The following XKR6 variants were observed in gnomAD, a reference collection of about 807,000 sequenced individuals.
XKR6 encodes XK-related protein 6.
A neutral mutation model predicts 56.7 loss-of-function variants in XKR6; 22 were observed. That is an observed-to-expected ratio of 0.39 (90% confidence interval 0.28 to 0.55). The LOEUF (loss-of-function observed/expected upper bound fraction) is 0.55. XKR6 is among the 20% of genes least tolerant of loss of function. The pLI, the probability that XKR6 is intolerant of heterozygous loss-of-function variation, is 0.66. For synonymous variants in XKR6, 524 were observed against 387.8 expected (o/e 1.35, Z -4.13); for missense variants, 852 against 889.0 (o/e 0.96, Z 0.53).
intron 1 of XKR6, among the ~76,000 whole-genome samples, chr8:11,192,162 A>AT (rs995556537): frequency 2.4e-4 from 36 of 147,322 alleles, no homozygotes; most frequent in Admixed American, 2.7e-4. Flanking sequence ...TACAAAAAAA[A>AT]TTTTTTTTTT....
chr8:10,955,964 C>T (rs6982751), intron 1 of XKR6, among the ~76,000 whole-genome samples: 3 of 152,030 alleles, frequency 2.0e-5, no homozygotes, highest in Non-Finnish European at 4.4e-5. Context: ...AGTGGCTGCT[C>T]GGTGAGAGGG....
intron 2 of XKR6, among the ~76,000 whole-genome samples, chr8:10,915,350 C>T (rs78740019): frequency 7.0e-6 from 1 of 143,152 alleles, no homozygotes; most frequent in Non-Finnish European, 1.5e-5. Flanking sequence ...TGTCAGAGCC[C>T]CCATGAAGCT....
chr8:11,113,308 T>C (rs531062371), intron 1 of XKR6, among the ~76,000 whole-genome samples: 287 of 152,314 alleles, frequency 1.9e-3, no homozygotes, highest in African/African-American at 6.6e-3. Flanking sequence ...AACTGCCTTA[T>C]AAGCTCCACT....
intron 1 of XKR6, among the ~76,000 whole-genome samples, chr8:11,051,113 C>T (rs1163466875): frequency 2.6e-5 from 4 of 152,182 alleles, no homozygotes; most frequent in Non-Finnish European, 5.9e-5. Context: ...CAGCTCTCAG[C>T]AGCCCTCTCC....
chr8:11,003,754 C>T (rs1798299537), intron 1 of XKR6, among the ~76,000 whole-genome samples: 1 of 152,180 alleles, frequency 6.6e-6, no homozygotes, highest in African/African-American at 2.4e-5. Flanking sequence ...CAAGCTGTCT[C>T]CATCAACAAA....
chr8:11,132,763 G>GCACACACACACA (rs1202405406), intron 1 of XKR6, among the ~76,000 whole-genome samples: 6 of 80,866 alleles, frequency 7.4e-5, no homozygotes, highest in Non-Finnish European at 1.5e-4. Context: ...ACACACACAC[G>GCACACACACACA]CACGCACACA....
intron 1 of XKR6, among the ~76,000 whole-genome samples, chr8:11,023,817 C>T (rs1798799343): frequency 6.6e-6 from 1 of 152,222 alleles, no homozygotes. Flanking sequence ...CCCTCCTGAA[C>T]CCTGTGCCTC....
chr8:11,118,787 G>C (rs561703152), intron 1 of XKR6, among the ~76,000 whole-genome samples: 3 of 152,212 alleles, frequency 2.0e-5, no homozygotes, highest in South Asian at 4.2e-4. Context: ...TTTTTGAAGG[G>C]TTTTTTGTGT....
chr8:11,143,778 C>T (rs1800831018), intron 1 of XKR6, among the ~76,000 whole-genome samples: 2 of 152,170 alleles, frequency 1.3e-5, no homozygotes, highest in Admixed American at 1.3e-4. Flanking sequence ...TTACAATAAT[C>T]CGCTAAGCTA....
intron 1 of XKR6, among the ~76,000 whole-genome samples, chr8:10,959,253 G>A (rs751443217): frequency 6.6e-6 from 1 of 152,182 alleles, no homozygotes; most frequent in Non-Finnish European, 1.5e-5. Context: ...AGGAGTGGGA[G>A]AGGAACTGAG....
At chr8:10,901,561 G>C (rs1275234115) in intron 2 of XKR6, among the ~76,000 whole-genome samples, 1 of 152,122 alleles carries the variant, frequency 6.6e-6, no homozygotes, top group East Asian at 1.9e-4. Context: ...TGACATCCTT[G>C]CTCTCCAGCT....
chr8:10,988,374 G>C (rs938558740), intron 1 of XKR6, among the ~76,000 whole-genome samples: 4 of 152,202 alleles, frequency 2.6e-5, no homozygotes, highest in African/African-American at 9.6e-5. Context: ...GAAATACTCA[G>C]TCATTTTGTT....
At chr8:10,923,869 C>G (rs1438666451) in intron 2 of XKR6, among the ~76,000 whole-genome samples, 1 of 152,208 alleles carries the variant, frequency 6.6e-6, no homozygotes, top group Non-Finnish European at 1.5e-5. Context: ...ACTGAGCGCT[C>G]TGCAGTCAGG....
At chr8:10,937,971 T>C (rs1387716723) in intron 1 of XKR6, among the ~76,000 whole-genome samples, 15 of 151,212 alleles carry the variant, frequency 9.9e-5, no homozygotes, top group Non-Finnish European at 1.8e-4. Flanking sequence ...TAAGCAAGCC[T>C]GAGCAATGGC....
rs546480808 is a variant in XKR6 at position 11,121,812 on chromosome 8, T to G, written c.764+78764A>C. On this transcript the variant is annotated intron_variant, in intron 1 of 2. Transcript: ENST00000416569. ...AATGTCCAACAATGATAGACTGGAT[T>G]AAGAAAATGTGGCACATATACACAA... is the stretch of plus-strand genomic sequence containing the variant. Among the ~76,000 whole-genome samples the G allele has an allele frequency of 4.8e-3, 731 of 152,276 alleles. 7 individuals carry two copies. The highest frequency in any genetic ancestry group is 0.015 in the African/African-American group (612 of 41,566).
intron 2 of XKR6, among the ~76,000 whole-genome samples, chr8:10,923,697 T>C (rs758733345): frequency 2.6e-5 from 4 of 152,214 alleles, no homozygotes; most frequent in Non-Finnish European, 4.4e-5. Context: ...TGGGTGTCCA[T>C]GAACGTGGTG....
At chr8:11,148,453 C>G (rs1451726807) in intron 1 of XKR6, among the ~76,000 whole-genome samples, 2 of 152,158 alleles carry the variant, frequency 1.3e-5, no homozygotes, top group Non-Finnish European at 2.9e-5. Flanking sequence ...CTTCGAGACT[C>G]CAGAACTCTG....
intron 1 of XKR6, among the ~76,000 whole-genome samples, chr8:11,079,777 T>C (rs1797656611): frequency 6.6e-6 from 1 of 152,106 alleles, no homozygotes; most frequent in Non-Finnish European, 1.5e-5. Flanking sequence ...CTGGGCAATA[T>C]AAGGAGACCC....
chr8:10,988,050 T>C (rs1200530500), intron 1 of XKR6, among the ~76,000 whole-genome samples: 1 of 152,236 alleles, frequency 6.6e-6, no homozygotes, highest in Non-Finnish European at 1.5e-5. Flanking sequence ...AAAAACATTA[T>C]TTAAATCAAC....
Sources: gnomAD v4.1 joint callset for allele counts (sites outside exome capture counted in the v4.1 genomes callset) on GRCh38, gnomAD v4.1.1 for gene constraint, MANE v1.5 for transcripts, NCBI Gene and HGNC (gene_info 2026-07-23, HGNC 2026-07-21) for gene names.